The following LTBP4 variants were observed in gnomAD, a reference collection of about 807,000 sequenced individuals.
LTBP4 encodes latent-transforming growth factor beta-binding protein 4.
A neutral mutation model predicts 180.2 loss-of-function variants in LTBP4; 93 were observed. The observed-to-expected ratio is 0.52, with a 90% CI of 0.44 to 0.61. LTBP4 has a LOEUF of 0.61. Among genes scored for constraint, LTBP4 ranks in the 20% least tolerant of loss-of-function variants. The pLI, the probability that LTBP4 is intolerant of heterozygous loss-of-function variation, is 0.00. For missense variants in LTBP4, 2,116 were observed against 2,256.5 expected (o/e 0.94, Z 1.26); for synonymous variants, 947 against 934.5 (o/e 1.01, Z -0.24).
Position 40,611,121 on chromosome 19 carries a change from C to G in LTBP4, c.1811-31C>G. The G allele has an allele frequency of 6.2e-7, 1 of 1,610,076 alleles. No homozygotes were observed. Among genetic ancestry groups the G allele is most frequent in the South Asian group, 1.1e-5 (1 of 90,970 alleles). On this transcript the variant is annotated intron_variant, in intron 12 of 29. Transcript: ENST00000396819. This position sits in a 1 kb window ranked among gnomAD's most constrained non-coding sequence, Gnocchi z 4.4. ...CAGAGGTCAGGGAGGCAGAGGGGAA[C>G]AAGTGACCCCGGGCCCCCTGCCCTG...
In LTBP4 at chr19:40,608,228, C is replaced by T. The variant is rs769052818; in HGVS notation, c.1165C>T (p.Arg389Trp). The change falls in exon 8 of 30, where the codon CGG (arginine) becomes TGG (tryptophan). Residue 389 changes from arginine (R) to tryptophan (W), a missense_variant. Physicochemically the swap from Arg to Trp is moderately radical, Grantham distance 101 (BLOSUM62 -3). Transcript: ENST00000396819. ...CTCTTACCTATTCCCAGAGGGTTTC[C>T]GGGAGATCTGCCCGGCTGGTCCTGG... is the stretch of plus-strand genomic sequence containing the variant. ...LCPPFGSEGF[R>W]EICPAGPGYH... 5.9e-5 allele frequency: 96 copies of T among 1,613,842 alleles called. No homozygotes were observed. Among genetic ancestry groups the T allele is most frequent in the African/African-American group, 3.5e-4 (26 of 74,930 alleles).
In LTBP4 at chr19:40,609,818, G is replaced by A. The variant is rs1453276948; in HGVS notation, c.1631G>A (p.Arg544His). Residue 544 changes from arginine to histidine, a missense_variant, in exon 11 of 30, where the codon CGC (arginine) becomes CAC (histidine). Transcript: ENST00000396819. The surrounding 1 kb of genome is among the most constrained non-coding windows in gnomAD (Gnocchi z 4.9). Reference sequence around the variant, plus strand: ...TGCGAGAACTCACCAGGCAGCTTCCGCTGCGTGTGCGGCCCGGGCTTCCGA... The same window carrying A: ...TGCGAGAACTCACCAGGCAGCTTCCACTGCGTGTGCGGCCCGGGCTTCCGA... ...GRCENSPGSF[R>H]CVCGPGFRAG... 3.1e-6 allele frequency: 5 copies of A among 1,602,524 alleles called. No individual in the cohort carries two copies. In the Admixed American group the frequency reaches 8.5e-5, roughly 27 times the overall value.
rs1454937837 is a variant in LTBP4 at position 40,606,511 on chromosome 19, C to T, written c.976C>T (p.Arg326Cys). 5 of 1,567,974 alleles carry T rather than the reference C, an allele frequency of 3.2e-6. No homozygotes were observed. The highest frequency in any genetic ancestry group is 4.8e-5 in the East Asian group (2 of 42,084). The change falls in exon 6 of 30, where the codon CGC becomes TGC. Residue 326 changes from arginine (R) to cysteine (C), a missense_variant. Coordinates refer to ENST00000396819, the MANE Select transcript of LTBP4 (RefSeq NM_001042545.2). The part of the protein sequence containing the change: ...CPDGFLLDSS[R>C]SSCISQHVIS... ...CGACGGCTTTCTGCTCGACTCGTCC[C>T]GCAGCAGCTGCATCTGTGAGCAACC... is the stretch of plus-strand genomic sequence containing the variant.
upstream of LTBP4, among the ~76,000 whole-genome samples, chr19:40,600,601 G>C (rs989618268): frequency 2.6e-5 from 4 of 152,138 alleles, no homozygotes; most frequent in African/African-American, 9.6e-5. This position sits in a 1 kb window ranked among gnomAD's most constrained non-coding sequence, Gnocchi z 4.4. Flanking sequence ...CCCTCCTCCC[G>C]CTCCAGCTCT....
intron 19 of LTBP4, among the ~76,000 whole-genome samples, 190 bp downstream of exon 19, chr19:40,614,636 C>T (rs1037284160): frequency 6.6e-6 from 1 of 152,194 alleles, no homozygotes; most frequent in African/African-American, 2.4e-5. Flanking sequence ...GGATCACGGC[C>T]AAGCCTCCCT....
At chr19:40,594,047 C>T (rs935869077) in intron 1 of LTBP4, among the ~76,000 whole-genome samples, 2 of 151,830 alleles carry the variant, frequency 1.3e-5, no homozygotes, top group Non-Finnish European at 2.9e-5. Flanking sequence ...GCCCTCCCAC[C>T]TCGGCCTCCC....
At chr19:40,607,278 C>CA in intron 6 of LTBP4, 87 bp from the exon 7 acceptor site, 1 of 1,119,224 alleles carries the variant, frequency 8.9e-7, no homozygotes, top group Non-Finnish European at 1.3e-6. Flanking sequence ...ACCCCCAACC[C>CA]CAGAACCATT....
intron 29 of LTBP4, among the ~76,000 whole-genome samples, chr19:40,628,471 G>A (rs778116484): frequency 2.0e-4 from 30 of 152,220 alleles, no homozygotes; most frequent in Non-Finnish European, 4.3e-4. Flanking sequence ...CCAAGATCGC[G>A]CCATTGCACT....
intron 6 of LTBP4, 30 bp downstream of exon 6, chr19:40,606,556 G>C: frequency 1.9e-6 from 3 of 1,548,764 alleles, no homozygotes; most frequent in Non-Finnish European, 2.6e-6. Flanking sequence ...CTGAGGCTGG[G>C]TCCCGCCCTC....
At chr19:40,597,732 G>A (rs956369685), upstream of LTBP4, among the ~76,000 whole-genome samples, 2 of 152,002 alleles carry the variant, frequency 1.3e-5, no homozygotes, top group Non-Finnish European at 2.9e-5. Context: ...AGCGCCCCAA[G>A]TTTCTTGGGC....
rs1422315333 is a variant in LTBP4 at position 40,629,465 on chromosome 19, A to G, written c.4589A>G (p.Asp1530Gly). ...GTCAACGCGCGTTGCCTCAACACGG[A>G]TGGCTCCTTCCGCTGCATCTGCCGC... Reference protein sequence around the residue: ...LCVNARCLNTDGSFRCICRPG... With the variant: ...LCVNARCLNTGGSFRCICRPG... The change falls in exon 30 of 30, where the codon GAT becomes GGT. Residue 1530 changes from aspartate (D) to glycine (G), a missense_variant. This residue lies in a region of LTBP4 where 488 missense variants were observed against 458.8 expected (regional missense o/e 1.06). Transcript: ENST00000396819. This position sits in a 1 kb window ranked among gnomAD's most constrained non-coding sequence, Gnocchi z 4.5. The G allele has an allele frequency of 1.9e-6, 3 of 1,610,734 alleles. No individual in the cohort carries two copies. The highest frequency in any genetic ancestry group is 2.2e-5 in the South Asian group (2 of 91,032).
At chr19:40,599,854 C>T (rs146831875), upstream of LTBP4, 2 of 516,658 alleles carry the variant, frequency 3.9e-6, no homozygotes, top group Admixed American at 7.2e-5. Context: ...TCTCTCTGCC[C>T]CTTCTCTCTT....
At chr19:40,594,198 G>A (rs541679038) in intron 1 of LTBP4, among the ~76,000 whole-genome samples, 1 of 151,610 alleles carries the variant, frequency 6.6e-6, no homozygotes, top group Non-Finnish European at 1.5e-5. Context: ...TTAAATGCTA[G>A]AGATAGTATT....
At chr19:40,596,490 A>G (rs916330887), upstream of LTBP4, among the ~76,000 whole-genome samples, 3 of 151,032 alleles carry the variant, frequency 2.0e-5, no homozygotes, top group African/African-American at 7.4e-5. Flanking sequence ...GGGGTGCAGG[A>G]GGGGGCAGAG....
intron 1 of LTBP4, among the ~76,000 whole-genome samples, chr19:40,595,831 A>G (rs1304086592): frequency 6.6e-6 from 1 of 151,422 alleles, no homozygotes; most frequent in African/African-American, 2.4e-5. Flanking sequence ...ACCAGGCTCA[A>G]GTGATCCTCC....
rs554968375 is a variant in LTBP4, at chr19:40,608,224, T to C, written c.1161T>C (p.Gly387=). Reference sequence around the variant, plus strand: ...GTCTCTCTTACCTATTCCCAGAGGGTTTCCGGGAGATCTGCCCGGCTGGTC... The same window carrying C: ...GTCTCTCTTACCTATTCCCAGAGGGCTTCCGGGAGATCTGCCCGGCTGGTC... ...CQLCPPFGSE[G]FREICPAGPG... is the part of the protein sequence containing the mutation. Residue 387 remains glycine, a synonymous_variant, in exon 8 of 30, where the codon GGT becomes GGC. Transcript: ENST00000396819. 5.5e-5 allele frequency: 88 copies of C among 1,613,766 alleles called. No homozygotes were observed. The highest frequency in any genetic ancestry group is 7.2e-5 in the Non-Finnish European group (85 of 1,179,868).
chr19:40,606,548 G>A (rs1322656314), intron 6 of LTBP4, 22 bp downstream of exon 6: 1 of 1,553,978 alleles, frequency 6.4e-7, no homozygotes, highest in East Asian at 2.4e-5. Context: ...GCAGGGAGCT[G>A]AGGCTGGGTC....
rs78745792 is a variant in LTBP4 at position 40,619,405 on chromosome 19, C to T, written c.3129C>T (p.Val1043=). The change falls in exon 22 of 30, where the codon GTC becomes GTT. Residue 1043 remains valine, a synonymous_variant. Transcript: ENST00000396819. The part of the protein sequence containing the change: ...GVCGAALCEN[V]EGSFLCVCPN... ...GTGGAGCTGCCCTGTGTGAAAATGTCGAAGGCTCCTTCCTCTGTGTCTGCC... is the reference window on the plus strand; with the variant it reads ...GTGGAGCTGCCCTGTGTGAAAATGTTGAAGGCTCCTTCCTCTGTGTCTGCC... 730 of 1,613,886 alleles carry T rather than the reference C, an allele frequency of 4.5e-4. 3 individuals carry two copies. The African/African-American group carries it at 6.6e-3, about 15-fold the overall frequency.
intron 1 of LTBP4, among the ~76,000 whole-genome samples, chr19:40,594,108 G>A (rs562143861): frequency 1.3e-5 from 2 of 150,958 alleles, no homozygotes; most frequent in Admixed American, 6.6e-5. Flanking sequence ...GGGAGGGGGT[G>A]GGGGGGGAGA....
Sources: gnomAD v4.1 joint callset for allele counts (sites outside exome capture counted in the v4.1 genomes callset) on GRCh38, gnomAD v4.1.1 for gene constraint, gnomAD v4.1.1 regional missense constraint, Gnocchi (gnomAD v3.1) non-coding constraint, MANE v1.5 for transcripts, NCBI Gene and HGNC (gene_info 2026-07-23, HGNC 2026-07-21) for gene names.